HDAC9: variants seen among roughly 807,000 people sequenced by gnomAD.
The protein encoded by HDAC9 is MEF-2 interacting transcription repressor (MITR) protein.
HDAC9 carries 41 observed loss-of-function variants against 139.4 expected under a neutral mutation model. The observed-to-expected ratio is 0.29, with a 90% CI of 0.23 to 0.38. The LOEUF (loss-of-function observed/expected upper bound fraction) is 0.38. Among genes scored for constraint, HDAC9 ranks in the 10% least tolerant of loss-of-function variants. The probability of loss-of-function intolerance (pLI) is 1.00; values close to 1 mark genes in which losing one functional copy is unlikely to be tolerated. For missense variants in HDAC9, 1,147 were observed against 1,297.0 expected, an observed-to-expected ratio of 0.88 and a Z score of 1.78; for synonymous variants, 517 against 476.2, an observed-to-expected ratio of 1.09 and a Z score of -1.12.
intron 1 of HDAC9, among the ~76,000 whole-genome samples, chr7:18,459,173 G>A (rs780733012): frequency 6.6e-6 from 1 of 152,062 alleles, no homozygotes; most frequent in Admixed American, 6.6e-5. Context: ...CTCTCTACTC[G>A]TGTTATAATT....
chr7:18,848,650 A>G (rs1373153646), intron 21 of HDAC9, among the ~76,000 whole-genome samples: 1 of 152,064 alleles, frequency 6.6e-6, no homozygotes, highest in Non-Finnish European at 1.5e-5. Flanking sequence ...ATGTTGTTTA[A>G]ACTACTCACC....
At chr7:18,660,142 A>G (rs1014147763) in intron 11 of HDAC9, among the ~76,000 whole-genome samples, 6 of 152,222 alleles carry the variant, frequency 3.9e-5, no homozygotes, top group African/African-American at 7.2e-5. Flanking sequence ...CTGGCAGGCA[A>G]GAATTTCTCT....
At chr7:18,894,293 G>T (rs1032004163) in intron 22 of HDAC9, among the ~76,000 whole-genome samples, 1 of 152,126 alleles carries the variant, frequency 6.6e-6, no homozygotes, top group African/African-American at 2.4e-5. Flanking sequence ...GTAGAAAAGA[G>T]ATGCAAAGAC....
chr7:18,888,349 C>T (rs556582486), intron 22 of HDAC9, among the ~76,000 whole-genome samples: 326 of 152,266 alleles, frequency 2.1e-3, no homozygotes, highest in African/African-American at 7.5e-3. Context: ...GGCGTGAACC[C>T]GGGAGGCGGA....
intron 1 of HDAC9, among the ~76,000 whole-genome samples, chr7:18,466,748 A>G (rs1037956259): frequency 6.6e-6 from 1 of 152,216 alleles, no homozygotes; most frequent in Non-Finnish European, 1.5e-5. Context: ...AGTGTAACAC[A>G]TTCAACGAAG....
chr7:18,381,852 T>G (rs1419107464), intron 1 of HDAC9, among the ~76,000 whole-genome samples: 2 of 152,196 alleles, frequency 1.3e-5, no homozygotes, highest in Non-Finnish European at 2.9e-5. Context: ...CTTCTTACTT[T>G]TTTTGTTGTT....
intron 1 of HDAC9, among the ~76,000 whole-genome samples, chr7:18,394,555 T>A (rs1043154108): frequency 6.6e-6 from 1 of 152,202 alleles, no homozygotes; most frequent in Admixed American, 6.5e-5. Flanking sequence ...GATTCAGTGG[T>A]CCAAGGGGAC....
intron 9 of HDAC9, among the ~76,000 whole-genome samples, chr7:18,647,529 T>C (rs559116945): frequency 1.3e-5 from 2 of 152,210 alleles, no homozygotes; most frequent in African/African-American, 4.8e-5. Flanking sequence ...GCATCACTTC[T>C]GATTTTAATT....
rs531232025 is a variant in HDAC9 at position 18,164,409 on chromosome 7, CT to C, written c.25+2066del. On this transcript the variant is annotated intron_variant, in intron 2 of 12. Transcript: ENST00000417496. Reference sequence around the variant, plus strand: ...AGAAAAAAATATGTTTTTCTTACATCTTTTTTCCCCACTATCTAAAAAGAGA... The same window carrying C: ...AGAAAAAAATATGTTTTTCTTACATCTTTTTCCCCACTATCTAAAAAGAGA... 3.7e-4 allele frequency among the ~76,000 whole-genome samples: 57 copies of C among 152,230 alleles called. 1 individual carries two copies. In the East Asian group the frequency reaches 0.011, roughly 28 times the overall value.
In HDAC9 at chr7:18,175,165, G is replaced by A. The variant is rs766905546; in HGVS notation, c.25+12816G>A. Reference sequence around the variant, plus strand: ...TATCTACTCAAGCGTCAGCAGTGGCGGACACCCCTCCCCCCTGCCAGGCTG... The same window carrying A: ...TATCTACTCAAGCGTCAGCAGTGGCAGACACCCCTCCCCCCTGCCAGGCTG... On this transcript the variant is annotated intron_variant, in intron 2 of 12. Coordinates refer to the HDAC9 transcript ENST00000417496. Among the ~76,000 whole-genome samples the A allele has an allele frequency of 8.9e-4, 135 of 152,260 alleles. 2 individuals are homozygous for A. In the Middle Eastern group the frequency reaches 0.02, roughly 23 times the overall value.
intron 2 of HDAC9, among the ~76,000 whole-genome samples, chr7:18,222,227 T>C (rs1197816929): frequency 1.3e-5 from 2 of 152,218 alleles, no homozygotes; most frequent in Non-Finnish European, 2.9e-5. Flanking sequence ...AATGGAAATG[T>C]TACTTGCAAG....
intron 1 of HDAC9, among the ~76,000 whole-genome samples, chr7:18,476,212 A>G (rs959687294): frequency 6.6e-6 from 1 of 152,198 alleles, no homozygotes; most frequent in African/African-American, 2.4e-5. Flanking sequence ...GGCTCAGAAA[A>G]CACTGATTAA....
chr7:18,137,502 A>T (rs1271089316), intron 1 of HDAC9, among the ~76,000 whole-genome samples: 3 of 152,062 alleles, frequency 2.0e-5, no homozygotes, highest in South Asian at 4.2e-4. Flanking sequence ...TTATTGAGAG[A>T]TTTTAGCATG....
intron 1 of HDAC9, among the ~76,000 whole-genome samples, chr7:18,123,323 A>G (rs991463817): frequency 1.3e-5 from 2 of 152,192 alleles, no homozygotes; most frequent in South Asian, 2.1e-4. Flanking sequence ...ATGCCTAAGT[A>G]TTTTAATTAT....
intron 2 of HDAC9, among the ~76,000 whole-genome samples, chr7:18,175,800 T>C (rs1196476672): frequency 7.5e-6 from 1 of 132,820 alleles, no homozygotes; most frequent in East Asian, 2.7e-4. Flanking sequence ...AATAACTTCC[T>C]GGCACTTGAT....
At chr7:18,698,540 A>G (rs1020577531) in intron 12 of HDAC9, among the ~76,000 whole-genome samples, 5 of 152,178 alleles carry the variant, frequency 3.3e-5, no homozygotes, top group Non-Finnish European at 5.9e-5. Context: ...ACCAATCTTT[A>G]TGTGCCTTCC....
At chr7:18,445,069 G>T (rs1245085460) in intron 1 of HDAC9, among the ~76,000 whole-genome samples, 1 of 152,148 alleles carries the variant, frequency 6.6e-6, no homozygotes, top group Non-Finnish European at 1.5e-5. Context: ...AGTGGCCATT[G>T]TCTGTCTTAT....
chr7:18,852,105 G>A (rs895121410), intron 21 of HDAC9, among the ~76,000 whole-genome samples: 7 of 152,294 alleles, frequency 4.6e-5, no homozygotes, highest in South Asian at 4.1e-4. Context: ...AGCCTTTGGT[G>A]CTTTGAGGTA....
intron 16 of HDAC9, among the ~76,000 whole-genome samples, chr7:18,776,315 A>G (rs1226099984): frequency 1.3e-5 from 2 of 152,044 alleles, no homozygotes; most frequent in African/African-American, 4.8e-5. Context: ...CAAATGTGGA[A>G]GAAGTTCAAA....
Sources: gnomAD v4.1 joint callset for allele counts (sites outside exome capture counted in the v4.1 genomes callset) on GRCh38, gnomAD v4.1.1 for gene constraint, MANE v1.5 for transcripts, NCBI Gene and HGNC (gene_info 2026-07-23, HGNC 2026-07-21) for gene names.